Variants in MAGI1 observed in about 807,000 individuals in gnomAD.
MAGI1 encodes the protein membrane associated guanylate kinase, WW and PDZ domain containing 1, also known as membrane-associated guanylate kinase, WW and PDZ domain-containing protein 1.
In MAGI1, 58 loss-of-function variants were observed where a neutral mutation model predicts 139.9. That is an observed-to-expected ratio of 0.41 (90% confidence interval 0.34 to 0.52). MAGI1 has a LOEUF of 0.52. MAGI1 is among the 20% of genes least tolerant of loss of function. MAGI1 has a pLI of 0.12. For synonymous variants in MAGI1, 812 were observed against 737.9 expected, an observed-to-expected ratio of 1.10 and a Z score of -1.63; for missense variants, 1,874 against 1,901.6, an observed-to-expected ratio of 0.99 and a Z score of 0.27.
chr3:65,851,856 G>A (rs1202571460), intron 1 of MAGI1, among the ~76,000 whole-genome samples: 1 of 152,178 alleles, frequency 6.6e-6, no homozygotes, highest in Non-Finnish European at 1.5e-5. Flanking sequence ...TTTATGTTCA[G>A]TAATATAAAA....
chr3:65,385,714 C>T (rs1943395430), intron 14 of MAGI1, among the ~76,000 whole-genome samples: 1 of 152,182 alleles, frequency 6.6e-6, no homozygotes. Context: ...TTTCTATCCA[C>T]TGCTTTTATT....
chr3:65,747,966 G>A (rs961357552), intron 1 of MAGI1, among the ~76,000 whole-genome samples: 4 of 152,132 alleles, frequency 2.6e-5, no homozygotes, highest in Non-Finnish European at 5.9e-5. Context: ...CAAGACTCGG[G>A]GTGCCAGTAA....
chr3:65,624,577 T>A (rs2083865060), intron 1 of MAGI1, among the ~76,000 whole-genome samples: 2 of 152,154 alleles, frequency 1.3e-5, no homozygotes, highest in Admixed American at 1.3e-4. Context: ...GACTAAAAAA[T>A]TTTGGAACGG....
intron 2 of MAGI1, among the ~76,000 whole-genome samples, chr3:65,550,429 T>C (rs774401083): frequency 6.6e-6 from 1 of 152,190 alleles, no homozygotes; most frequent in South Asian, 2.1e-4. Context: ...CTGGATGATA[T>C]CTCACCTCTT....
intron 1 of MAGI1, among the ~76,000 whole-genome samples, chr3:65,928,904 A>G (rs1424039184): frequency 6.6e-6 from 1 of 152,196 alleles, no homozygotes; most frequent in South Asian, 2.1e-4. Context: ...TTTTAATTAA[A>G]AATGCAATTA....
chr3:65,595,272 A>C (rs2082138311), intron 2 of MAGI1, among the ~76,000 whole-genome samples: 1 of 152,242 alleles, frequency 6.6e-6, no homozygotes, highest in Non-Finnish European at 1.5e-5. Flanking sequence ...ATTCATGGGC[A>C]TAGTTTCTGT....
chr3:65,746,007 G>A (rs796179904), intron 1 of MAGI1, among the ~76,000 whole-genome samples: 15 of 152,154 alleles, frequency 9.9e-5, no homozygotes, highest in African/African-American at 3.6e-4. Context: ...TGGGATTGCA[G>A]GCATGAGCCA....
At chr3:65,959,248 T>A (rs1366976751) in intron 1 of MAGI1, among the ~76,000 whole-genome samples, 3 of 152,194 alleles carry the variant, frequency 2.0e-5, no homozygotes, top group Admixed American at 6.5e-5. Context: ...CTCTGATTTC[T>A]CCTTCCTCTC....
chr3:65,364,242 C>T (rs1242160621), intron 20 of MAGI1, among the ~76,000 whole-genome samples: 2 of 151,218 alleles, frequency 1.3e-5, no homozygotes, highest in Non-Finnish European at 2.9e-5. Context: ...TTTGTTTCAC[C>T]TGCTAGTATT....
chr3:65,802,411 G>A (rs1267494155), intron 1 of MAGI1, among the ~76,000 whole-genome samples: 8 of 152,126 alleles, frequency 5.3e-5, no homozygotes, highest in Admixed American at 2.0e-4. Context: ...TTTTCACCAT[G>A]TGAACGCATT....
Position 65,503,965 on chromosome 3 carries a change from G to A in MAGI1, c.431-10334C>T, listed in dbSNP as rs116634844. ...AAGTGTAAACATGTTACCTTTCAAG[G>A]AGATCCACATTATGTCAAAGAAAAA... On this transcript the variant is annotated intron_variant, in intron 2 of 22. Transcript: ENST00000402939. Among the ~76,000 whole-genome samples the A allele has an allele frequency of 7.5e-3, 1,139 of 152,240 alleles. 13 individuals are homozygous for A. The highest frequency in any genetic ancestry group is 0.026 in the African/African-American group (1,087 of 41,552).
At chr3:65,916,390 A>G (rs2061906824) in intron 1 of MAGI1, among the ~76,000 whole-genome samples, 1 of 152,138 alleles carries the variant, frequency 6.6e-6, no homozygotes, top group African/African-American at 2.4e-5. Context: ...TTTATAAAGA[A>G]AAAGAGGTTT....
chr3:65,381,905 G>A lies in MAGI1; in HGVS notation c.2673C>T (p.Leu891=). The A allele has an allele frequency of 1.9e-6, 3 of 1,613,850 alleles. No individual in the cohort carries two copies. The highest frequency in any genetic ancestry group is 2.5e-6 in the Non-Finnish European group (3 of 1,179,890). ...QQAAKQGHVN[L]TVRRKVVFAV... ...CAAAAACCACTTTACGCCGCACCGT[G>A]AGATTGACGTGGCCTTGCTTGGCAG... Residue 891 remains leucine, a synonymous_variant, in exon 16 of 23, where the codon CTC becomes CTT. Transcript: ENST00000402939.
intron 1 of MAGI1, among the ~76,000 whole-genome samples, chr3:65,639,288 C>G (rs1363858751): frequency 6.6e-6 from 1 of 152,064 alleles, no homozygotes; most frequent in South Asian, 2.1e-4. Context: ...CTTAATGATG[C>G]CTTTTGATGA....
At chr3:65,573,643 GGTGAAAGAGTGAA>G (rs977819023) in intron 2 of MAGI1, among the ~76,000 whole-genome samples, 1 of 151,992 alleles carries the variant, frequency 6.6e-6, no homozygotes, top group Non-Finnish European at 1.5e-5. Flanking sequence ...CATAGTTAAT[GGTGAAAGAGTGAA>G]TGTTTTTTCC....
chr3:65,858,228 C>A lies in MAGI1; in HGVS notation c.313+179768G>T, dbSNP rs1052532255. 2.6e-5 allele frequency among the ~76,000 whole-genome samples: 4 copies of A among 152,208 alleles called. No homozygotes were observed. In the South Asian group the frequency reaches 6.2e-4, roughly 24 times the overall value. On this transcript the variant is annotated intron_variant, in intron 1 of 22. Transcript: ENST00000402939. The stretch of plus-strand genomic sequence containing the variant: ...AGCATCAAACAAAACTCATGACCAG[C>A]AGAACTTTCCAGAAGACTTCTGCTC...
At chr3:65,763,739 G>A (rs749591918) in intron 1 of MAGI1, among the ~76,000 whole-genome samples, 2 of 151,050 alleles carry the variant, frequency 1.3e-5, no homozygotes, top group Non-Finnish European at 2.9e-5. Flanking sequence ...ATTTCATATC[G>A]CACAAGTGCT....
chr3:65,546,012 A>ACT (rs1368097024), intron 2 of MAGI1, among the ~76,000 whole-genome samples: 4 of 145,936 alleles, frequency 2.7e-5, no homozygotes, highest in South Asian at 2.1e-4. Context: ...ACACACACAC[A>ACT]CACTCTCAAA....
intron 2 of MAGI1, among the ~76,000 whole-genome samples, chr3:65,608,961 G>A (rs1354502031): frequency 6.6e-6 from 1 of 152,190 alleles, no homozygotes; most frequent in Non-Finnish European, 1.5e-5. Flanking sequence ...ATCTCAGAGA[G>A]TAATGTTAGC....
Sources: gnomAD v4.1 joint callset for allele counts (sites outside exome capture counted in the v4.1 genomes callset) on GRCh38, gnomAD v4.1.1 for gene constraint, MANE v1.5 for transcripts, NCBI Gene and HGNC (gene_info 2026-07-23, HGNC 2026-07-21) for gene names.